ATXN1: variants seen among roughly 807,000 people sequenced by gnomAD.
ATXN1 encodes the protein ataxin-1.
A neutral mutation model predicts 56.4 loss-of-function variants in ATXN1; 8 were observed. The ratio of observed to expected loss-of-function variants is 0.14; its 90% CI spans 0.08 to 0.26. ATXN1 has a LOEUF of 0.26. Among genes scored for constraint, ATXN1 ranks in the 10% least tolerant of loss-of-function variants. The pLI, the probability that ATXN1 is intolerant of heterozygous loss-of-function variation, is 1.00. For missense variants in ATXN1, 987 were observed against 1,106.5 expected (o/e 0.89, Z 1.53); for synonymous variants, 514 against 494.6 (o/e 1.04, Z -0.52).
intron 2 of ATXN1, among the ~76,000 whole-genome samples, chr6:16,661,725 G>A (rs1474645717): frequency 2.6e-5 from 4 of 152,160 alleles, no homozygotes; most frequent in Non-Finnish European, 5.9e-5. Context: ...TACTCACCTG[G>A]GGGAGGCTGA....
intron 2 of ATXN1, among the ~76,000 whole-genome samples, chr6:16,678,687 CA>C (rs908720910): frequency 5.3e-5 from 8 of 151,122 alleles, no homozygotes; most frequent in South Asian, 2.1e-4. Context: ...TTAATTTCAC[CA>C]AAAAAAATGT....
chr6:16,598,042 A>G (rs1762845935), intron 3 of ATXN1, among the ~76,000 whole-genome samples: 1 of 152,246 alleles, frequency 6.6e-6, no homozygotes. Context: ...GGTGATGAAT[A>G]TATTAACTAG....
chr6:16,393,356 T>C (rs990781723), intron 6 of ATXN1, among the ~76,000 whole-genome samples: 1 of 152,200 alleles, frequency 6.6e-6, no homozygotes, highest in Non-Finnish European at 1.5e-5. Context: ...CACATCAGCC[T>C]CCTGAGTAGC....
intron 5 of ATXN1, among the ~76,000 whole-genome samples, chr6:16,520,926 C>T (rs574772013): frequency 4.6e-5 from 7 of 152,152 alleles, no homozygotes; most frequent in Non-Finnish European, 8.8e-5. Flanking sequence ...AGGAGATGAT[C>T]AAGTTCCGCA....
intron 3 of ATXN1, among the ~76,000 whole-genome samples, chr6:16,592,451 G>A (rs900458031): frequency 6.6e-6 from 1 of 152,068 alleles, no homozygotes; most frequent in Admixed American, 6.6e-5. Context: ...AGAAAAGAAA[G>A]GTGGGCACCA....
intron 6 of ATXN1, among the ~76,000 whole-genome samples, chr6:16,345,662 C>T (rs561923042): frequency 1.6e-4 from 24 of 152,312 alleles, no homozygotes; most frequent in Admixed American, 1.6e-3. Context: ...TACTTTCTAC[C>T]TCCACTGACT....
At chr6:16,628,151 C>A (rs1460231045) in intron 3 of ATXN1, among the ~76,000 whole-genome samples, 1 of 152,196 alleles carries the variant, frequency 6.6e-6, no homozygotes, top group African/African-American at 2.4e-5. Flanking sequence ...TCATTCAGCA[C>A]CCAGTATTCT....
At chr6:16,692,177 A>C (rs553653736) in intron 2 of ATXN1, among the ~76,000 whole-genome samples, 1 of 152,254 alleles carries the variant, frequency 6.6e-6, no homozygotes, top group African/African-American at 2.4e-5. Context: ...AATTGCTTGA[A>C]CCTGGGAGGC....
At chr6:16,605,429 T>G (rs572444179) in intron 3 of ATXN1, among the ~76,000 whole-genome samples, 55 of 152,202 alleles carry the variant, frequency 3.6e-4, no homozygotes, top group Non-Finnish European at 4.9e-4. Flanking sequence ...ATAACAGGGC[T>G]GCCCATGAGC....
chr6:16,465,362 C>A (rs1760083589), intron 6 of ATXN1, among the ~76,000 whole-genome samples: 1 of 152,192 alleles, frequency 6.6e-6, no homozygotes, highest in Admixed American at 6.5e-5. Flanking sequence ...GAGGCTGAGG[C>A]AGGAGAATTG....
In ATXN1 at chr6:16,526,765, CA is replaced by C. The variant is rs34515868; in HGVS notation, c.-360-4078del. Among the ~76,000 whole-genome samples the C allele has an allele frequency of 5.1e-3, 599 of 116,560 alleles. 1 individual carries two copies. The highest frequency in any genetic ancestry group is 0.016 in the African/African-American group (460 of 29,624). The allele number at this position is 116,560 out of a possible 152,430, so 76.5% of individuals were successfully genotyped here. A position where few individuals can be genotyped will look rare whatever the true frequency, so the allele number is the denominator to read the frequency against. ...GGGCAACAAGAGCAAAACTTCATCT[CA>C]AAAAAAAAAAAAAAAGAATATTCAG... is the stretch of plus-strand genomic sequence containing the variant. On this transcript the variant is annotated intron_variant, in intron 4 of 7. Coordinates refer to ENST00000436367, the MANE Select transcript of ATXN1 (RefSeq NM_001128164.2).
intron 4 of ATXN1, among the ~76,000 whole-genome samples, chr6:16,573,335 C>T (rs984191838): frequency 6.6e-6 from 1 of 152,244 alleles, no homozygotes; most frequent in Admixed American, 6.5e-5. Context: ...TGACTCCTTC[C>T]TCTCCATTCT....
chr6:16,472,821 C>G (rs1252531952), intron 6 of ATXN1, among the ~76,000 whole-genome samples: 1 of 152,144 alleles, frequency 6.6e-6, no homozygotes, highest in African/African-American at 2.4e-5. Flanking sequence ...TCTAAACCAC[C>G]ACCCCTAAAG....
chr6:16,602,983 G>A (rs1055516946), intron 3 of ATXN1, among the ~76,000 whole-genome samples: 1 of 152,164 alleles, frequency 6.6e-6, no homozygotes, highest in Non-Finnish European at 1.5e-5. Flanking sequence ...ATGAGATAAT[G>A]ATATAAAGTG....
At chr6:16,666,034 T>C (rs1372279580) in intron 2 of ATXN1, among the ~76,000 whole-genome samples, 1 of 152,206 alleles carries the variant, frequency 6.6e-6, no homozygotes. Context: ...CAATAAGTTA[T>C]TGTTAACTAT....
intron 2 of ATXN1, among the ~76,000 whole-genome samples, chr6:16,722,029 G>A (rs1434416000): frequency 1.3e-5 from 2 of 152,152 alleles, no homozygotes; most frequent in East Asian, 1.9e-4. Flanking sequence ...GGCCGCAAAG[G>A]GGCACACTCA....
chr6:16,352,607 G>A (rs947096164), intron 6 of ATXN1, among the ~76,000 whole-genome samples: 17 of 152,070 alleles, frequency 1.1e-4, no homozygotes, highest in Non-Finnish European at 1.9e-4. Flanking sequence ...ACCACAGCAA[G>A]GCACATCGAG....
At chr6:16,571,578 A>T (rs1281931597) in intron 4 of ATXN1, among the ~76,000 whole-genome samples, 1 of 151,956 alleles carries the variant, frequency 6.6e-6, no homozygotes, top group Non-Finnish European at 1.5e-5. Context: ...TGTAACCTTG[A>T]ACTCCTGGGC....
intron 2 of ATXN1, among the ~76,000 whole-genome samples, chr6:16,695,780 G>A (rs1374046739): frequency 6.6e-6 from 1 of 152,140 alleles, no homozygotes; most frequent in Non-Finnish European, 1.5e-5. Flanking sequence ...GCAATGGAAT[G>A]AGACCCTGTC....
Sources: allele counts gnomAD v4.1 joint callset (sites outside exome capture counted in the v4.1 genomes callset), GRCh38; gene constraint gnomAD v4.1.1; transcripts MANE v1.5; gene names NCBI Gene and HGNC (gene_info 2026-07-23, HGNC 2026-07-21).